The following TES variants were observed in gnomAD, a reference collection of about 807,000 sequenced individuals.
TES encodes testin LIM domain protein, also known as testin.
In TES, 41 loss-of-function variants were observed where a neutral mutation model predicts 48.2. That is an observed-to-expected ratio of 0.85 (90% CI 0.66 to 1.10). The LOEUF (loss-of-function observed/expected upper bound fraction) is 1.10. Ranked by LOEUF, TES falls within the 50% of genes least tolerant of loss-of-function variation. The pLI is 0.00. For synonymous variants in TES, 162 were observed against 174.9 expected (o/e 0.93, Z 0.58); for missense variants, 463 against 515.1 (o/e 0.90, Z 0.98).
chr7:116,225,523 A>G (rs995957949), intron 1 of TES, among the ~76,000 whole-genome samples: 3 of 152,228 alleles, frequency 2.0e-5, no homozygotes, highest in African/African-American at 7.2e-5. Flanking sequence ...TTTCCTTTTC[A>G]TTCCTAACAT....
chr7:116,246,253 C>T (rs1799921980), intron 2 of TES, among the ~76,000 whole-genome samples: 1 of 152,200 alleles, frequency 6.6e-6, no homozygotes, highest in Non-Finnish European at 1.5e-5. Context: ...AACAATAACC[C>T]TCCAAGATGT....
At chr7:116,244,213 A>G (rs1321940563) in intron 2 of TES, among the ~76,000 whole-genome samples, 2 of 152,176 alleles carry the variant, frequency 1.3e-5, no homozygotes, top group African/African-American at 2.4e-5. Flanking sequence ...CCAAAGTCTT[A>G]ACTCACTCCA....
Position 116,257,618 on chromosome 7 carries a change from T to C in TES, c.*136T>C. ...ACCAAGAGATTTTGTTTAATTTTTTTGGCCATTTTTTCTTCATCAATTTTT... is the reference window on the plus strand; with the variant it reads ...ACCAAGAGATTTTGTTTAATTTTTTCGGCCATTTTTTCTTCATCAATTTTT... On this transcript the variant is annotated 3_prime_UTR_variant, in exon 7 of 7. Coordinates refer to ENST00000358204, the MANE Select transcript of TES (RefSeq NM_015641.4). 1 of 924,202 alleles carries C rather than the reference T, an allele frequency of 1.1e-6. No homozygotes were observed. Among genetic ancestry groups the C allele is most frequent in the Non-Finnish European group, 1.5e-6 (1 of 685,870 alleles). 57.3% of individuals were successfully genotyped at this position (924,202 alleles called of 1,614,324 possible). A position where few individuals can be genotyped will look rare whatever the true frequency, so the allele number is the denominator to read the frequency against.
intron 4 of TES, chr7:116,251,464 C>T (rs113023153): frequency 1.3e-4 from 37 of 294,872 alleles, no homozygotes; most frequent in Non-Finnish European, 2.1e-4. Context: ...GGGTGAATCA[C>T]GAGGTCAGGA....
intron 2 of TES, chr7:116,238,389 C>T (rs2116604373): frequency 6.6e-6 from 1 of 152,226 alleles, no homozygotes; most frequent in African/African-American, 2.4e-5. Context: ...AGTCTAACCT[C>T]ATTTTACAGA....
At chr7:116,238,387 C>T (rs1799800574) in intron 2 of TES, 1 of 152,158 alleles carries the variant, frequency 6.6e-6, no homozygotes, top group East Asian at 1.9e-4. Flanking sequence ...CTAGTCTAAC[C>T]TCATTTTACA....
rs1285440123 is a variant in TES at position 116,210,622 on chromosome 7, C to G, written c.-86C>G. ...CGCCGCGGGAGTTCCGCAGGTTTCC[C>G]GTGTTCGCAGCGGAGCCGGAGGCCA... On this transcript the variant is annotated 5_prime_UTR_variant, in exon 1 of 7. Transcript: ENST00000358204. The G allele has an allele frequency of 2.4e-6, 3 of 1,260,576 alleles. No individual in the cohort carries two copies. The highest frequency in any genetic ancestry group is 2.7e-5 in the South Asian group (1 of 36,804). The allele number at this position is 1,260,576 out of a possible 1,614,324, so 78.1% of individuals were successfully genotyped here. A position where few individuals can be genotyped will look rare whatever the true frequency, so the allele number is the denominator to read the frequency against.
In TES at chr7:116,210,603, G is replaced by T; in HGVS notation, c.-105G>T. ...GCGAGTGGCTGTTGAGCGGCGCCGC[G>T]GGAGTTCCGCAGGTTTCCCGTGTTC... On this transcript the variant is annotated 5_prime_UTR_variant, in exon 1 of 7. Transcript: ENST00000358204. 1 of 1,197,528 alleles carries T rather than the reference G, an allele frequency of 8.4e-7. No individual in the cohort carries two copies. The highest frequency in any genetic ancestry group is 3.1e-5 in the South Asian group (1 of 32,664). 74.2% of individuals were successfully genotyped at this position (1,197,528 alleles called of 1,614,324 possible). A position where few individuals can be genotyped will look rare whatever the true frequency, so the allele number is the denominator to read the frequency against.
At chr7:116,247,428 A>T (rs1360135089) in intron 2 of TES, among the ~76,000 whole-genome samples, 1 of 152,072 alleles carries the variant, frequency 6.6e-6, no homozygotes, top group Non-Finnish European at 1.5e-5. Flanking sequence ...TATTTATTTT[A>T]TTCACTATTG....
At position 116,257,332 on chromosome 7, in the gene TES, G is replaced by A. The variant is rs1245276373; in HGVS notation, c.1116G>A (p.Val372=). The A allele has an allele frequency of 6.2e-7, 1 of 1,613,384 alleles. No individual in the cohort carries two copies. Among genetic ancestry groups the A allele is most frequent in the African/African-American group, 1.3e-5 (1 of 74,876 alleles). The change falls in exon 7 of 7, where the codon GTG becomes GTA. Residue 372 remains valine, a synonymous_variant. Coordinates refer to ENST00000358204, the MANE Select transcript of TES (RefSeq NM_015641.4). The stretch of plus-strand genomic sequence containing the variant: ...GCCACAATGCCATCGACCCAGAAGT[G>A]CAGCGGGTGACCTATAACAATTTCA... ...QGCHNAIDPE[V]QRVTYNNFSW...
chr7:116,229,033 T>TATATATATAA lies in TES; in HGVS notation c.28-5500_28-5499insTATATATAAA, dbSNP rs1417517023. Among the ~76,000 whole-genome samples, 644 of 115,148 alleles carry TATATATATAA rather than the reference T, an allele frequency of 5.6e-3. 8 individuals are homozygous for TATATATATAA. Among genetic ancestry groups the TATATATATAA allele is most frequent in the East Asian group, 0.01 (34 of 3,278 alleles). The allele number at this position is 115,148 out of a possible 152,430, so 75.5% of individuals were successfully genotyped here. The stretch of plus-strand genomic sequence containing the variant: ...ATATATATATATATATATATATATA[T>TATATATATAA]AATCATTTCCTTAATATTTGGTAAT... On this transcript the variant is annotated intron_variant, in intron 1 of 6. Coordinates refer to ENST00000358204, the MANE Select transcript of TES (RefSeq NM_015641.4).
chr7:116,210,823 C>T (rs1799427577), intron 1 of TES, 89 bp downstream of exon 1: 2 of 1,140,516 alleles, frequency 1.8e-6, no homozygotes, highest in East Asian at 3.5e-5. Flanking sequence ...GTGGGTGGGG[C>T]TCGCGGGCCC....
intron 1 of TES, chr7:116,217,947 A>G (rs1458055854): frequency 6.0e-6 from 3 of 501,772 alleles, no homozygotes; most frequent in Non-Finnish European, 1.2e-5. Context: ...TTTTCTAAGT[A>G]TCACTGTATT....
chr7:116,234,702 C>A, intron 2 of TES, 83 bp downstream of exon 2: 3 of 1,133,214 alleles, frequency 2.6e-6, no homozygotes, highest in Non-Finnish European at 4.0e-6. Context: ...TCTTCGAGTT[C>A]TCCAGCATGG....
chr7:116,257,462 T>A lies in TES; in HGVS notation c.1246T>A (p.Cys416Ser), dbSNP rs747648279. The A allele has an allele frequency of 2.5e-6, 4 of 1,612,116 alleles. No homozygotes were observed. The South Asian group carries it at 3.3e-5, about 13-fold the overall frequency. Residue 416 changes from cysteine (C) to serine (S), a missense_variant, in exon 7 of 7, where the codon TGT (cysteine) becomes AGT (serine). Transcript: ENST00000358204. ...VEGMVFCSVE[C>S]KKRMS Reference sequence around the variant, plus strand: ...AGGGATGGTTTTCTGTTCAGTGGAATGTAAGAAGAGGATGTCTTAGGAGGA... The same window carrying A: ...AGGGATGGTTTTCTGTTCAGTGGAAAGTAAGAAGAGGATGTCTTAGGAGGA...
intron 1 of TES, among the ~76,000 whole-genome samples, chr7:116,222,633 G>A (rs190460652): frequency 2.0e-4 from 30 of 152,266 alleles, no homozygotes; most frequent in Admixed American, 1.8e-3. Flanking sequence ...GGGATAAAGA[G>A]CCTTAATTAA....
At position 116,254,756 on chromosome 7, in the gene TES, A is replaced by ATGTGTGTG. The variant is rs528007110; in HGVS notation, c.1077+2281_1077+2282insGTGTGTGT. Among the ~76,000 whole-genome samples the ATGTGTGTG allele has an allele frequency of 8.4e-3, 1,197 of 143,216 alleles. 3 individuals carry two copies. Among genetic ancestry groups the ATGTGTGTG allele is most frequent in the African/African-American group, 0.011 (410 of 38,418 alleles). The allele number at this position is 143,216 out of a possible 152,430, so 94.0% of individuals were successfully genotyped here. A position where few individuals can be genotyped will look rare whatever the true frequency, so the allele number is the denominator to read the frequency against. ...ACTCCGTCTCAAAAAAAATATATAT[A>ATGTGTGTG]TATGTGTGTGTGTGTGTGTGTGTGT... On this transcript the variant is annotated intron_variant, in intron 6 of 6. Coordinates refer to ENST00000358204, the MANE Select transcript of TES (RefSeq NM_015641.4).
intron 1 of TES, among the ~76,000 whole-genome samples, chr7:116,227,676 T>A (rs1435360657): frequency 6.6e-6 from 1 of 152,154 alleles, no homozygotes; most frequent in Non-Finnish European, 1.5e-5. Flanking sequence ...GTAATATGAA[T>A]ATATGTGTGT....
intron 2 of TES, among the ~76,000 whole-genome samples, chr7:116,247,589 A>G (rs1799944715): frequency 6.6e-6 from 1 of 152,000 alleles, no homozygotes; most frequent in Non-Finnish European, 1.5e-5. Flanking sequence ...CATTGAAAAA[A>G]TCTTGGTTGG....
Sources: gnomAD v4.1 joint callset for allele counts (sites outside exome capture counted in the v4.1 genomes callset) on GRCh38, gnomAD v4.1.1 for gene constraint, MANE v1.5 for transcripts, NCBI Gene and HGNC (gene_info 2026-07-23, HGNC 2026-07-21) for gene names.